Variants in CCDC157 observed in about 807,000 individuals in gnomAD.
CCDC157 encodes the protein coiled-coil domain-containing protein 157.
CCDC157 carries 60 observed loss-of-function variants against 70.9 expected under a neutral mutation model. That is an observed-to-expected ratio of 0.85 (90% CI 0.69 to 1.05). The LOEUF is 1.05. Ranked by LOEUF, CCDC157 falls within the 50% of genes least tolerant of loss-of-function variation. The pLI is 0.00. For synonymous variants in CCDC157, 373 were observed against 422.4 expected (o/e 0.88, Z 1.43); for missense variants, 943 against 984.2 (o/e 0.96, Z 0.56).
intron 3 of CCDC157, among the ~76,000 whole-genome samples, chr22:30,367,481 C>T (rs1932774608): frequency 6.6e-6 from 1 of 152,086 alleles, no homozygotes; most frequent in Non-Finnish European, 1.5e-5. Flanking sequence ...TCAGGTGATC[C>T]ATCTTCCTCG....
intron 1 of CCDC157, among the ~76,000 whole-genome samples, chr22:30,357,941 C>T (rs1255715986): frequency 1.3e-5 from 2 of 152,102 alleles, no homozygotes; most frequent in South Asian, 2.1e-4. Flanking sequence ...TGGGATTACA[C>T]GCATGAGCCA....
rs1197120078 is a variant in CCDC157 at position 30,378,559 on chromosome 22, C to T, written c.*1814C>T. 4 of 154,616 alleles carry T rather than the reference C, an allele frequency of 2.6e-5. No homozygotes were observed. The highest frequency in any genetic ancestry group is 4.0e-4 in the South Asian group (2 of 5,028). 9.6% of individuals were successfully genotyped at this position (154,616 alleles called of 1,614,324 possible). On this transcript the variant is annotated 3_prime_UTR_variant, in exon 12 of 12. Transcript: ENST00000338306. ...AGGAGAATTGCTTGAACCCGGGAGG[C>T]GGAGGTTGCAGTGAGGCGAGATCAC...
At position 30,371,668 on chromosome 22, in the gene CCDC157, CAA is replaced by C. The variant is rs1281009274; in HGVS notation, c.1066_1067del (p.Lys356AspfsTer30). 2 of 1,614,160 alleles carry C rather than the reference CAA, an allele frequency of 1.2e-6. No individual in the cohort carries two copies. The highest frequency in any genetic ancestry group is 8.5e-7 in the Non-Finnish European group (1 of 1,179,970). Reference sequence around the variant, plus strand: ...GCCATAGAAACAAGTGACCTAAAGACAAAGATGGCCACCCTGGAGAGAGAACT... The same window carrying C: ...GCCATAGAAACAAGTGACCTAAAGACAGATGGCCACCCTGGAGAGAGAACT... On this transcript the variant is annotated frameshift_variant, in exon 6 of 12. Coordinates refer to ENST00000338306, the MANE Select transcript of CCDC157 (RefSeq NM_001017437.5). LOFTEE classifies it high-confidence loss of function.
chr22:30,362,747 G>C (rs1176486194), intron 2 of CCDC157, among the ~76,000 whole-genome samples: 1 of 152,130 alleles, frequency 6.6e-6, no homozygotes, highest in East Asian at 1.9e-4. Flanking sequence ...TTCCCAGTGT[G>C]GTCTCGATGT....
intron 2 of CCDC157, among the ~76,000 whole-genome samples, chr22:30,362,927 A>G (rs59628638): frequency 0.017 from 2,638 of 152,254 alleles, 82 homozygotes; most frequent in African/African-American, 0.059. Context: ...CCAGCCCTGG[A>G]CTTGCTGGAG....
At chr22:30,361,365 T>C (rs1036635067) in intron 1 of CCDC157, among the ~76,000 whole-genome samples, 2 of 152,042 alleles carry the variant, frequency 1.3e-5, no homozygotes, top group South Asian at 2.1e-4. Context: ...TGACATTGCT[T>C]CCCATCTGGG....
At chr22:30,361,522 A>G (rs1336450572) in intron 1 of CCDC157, among the ~76,000 whole-genome samples, 1 of 152,070 alleles carries the variant, frequency 6.6e-6, no homozygotes, top group African/African-American at 2.4e-5. Flanking sequence ...TTGCATTTCT[A>G]AGGTGCCATA....
At chr22:30,375,403 C>A in intron 9 of CCDC157, 76 bp from the exon 10 acceptor site, 1 of 1,425,236 alleles carries the variant, frequency 7.0e-7, no homozygotes, top group Non-Finnish European at 9.9e-7. Flanking sequence ...GTGCACTACA[C>A]AGCTCCTTTG....
At chr22:30,373,520 G>T in intron 7 of CCDC157, 77 bp from the exon 8 acceptor site, 1 of 1,488,900 alleles carries the variant, frequency 6.7e-7, no homozygotes, top group Non-Finnish European at 9.1e-7. Flanking sequence ...AGTAGATGCT[G>T]TAGCCTCCTT....
chr22:30,369,660 G>T (rs1932849897), intron 4 of CCDC157, 57 bp downstream of exon 4: 2 of 1,350,662 alleles, frequency 1.5e-6, no homozygotes, highest in African/African-American at 3.0e-5. Context: ...TCCCCACTGT[G>T]GTGGCCTTCA....
At chr22:30,373,791 C>T (rs1447120050) in intron 8 of CCDC157, 27 bp downstream of exon 8, 84 of 1,538,206 alleles carry the variant, frequency 5.5e-5, no homozygotes, top group Non-Finnish European at 6.7e-5. Context: ...TCCTTTTTGC[C>T]AGAGAAGTCT....
Position 30,370,429 on chromosome 22 carries a change from C to T in CCDC157, c.524C>T (p.Ser175Phe). 2.5e-6 allele frequency: 4 copies of T among 1,614,150 alleles called. No individual in the cohort carries two copies. The highest frequency in any genetic ancestry group is 3.4e-6 in the Non-Finnish European group (4 of 1,180,036). Residue 175 changes from serine to phenylalanine, a missense_variant, in exon 5 of 12, where the codon TCC becomes TTC. Coordinates refer to ENST00000338306, the MANE Select transcript of CCDC157 (RefSeq NM_001017437.5). The stretch of plus-strand genomic sequence containing the variant: ...ACTACCAAGTTAATCAAGCCCTCCT[C>T]CCCAGTGCTAGGCTTGCCCCAGACC... ...YLTTKLIKPS[S>F]PVLGLPQTCQ...
In CCDC157 at chr22:30,371,636, CTT is replaced by C. The variant is rs755071959; in HGVS notation, c.1046-13_1046-12del. ...ATGGGACCCTCTGAAGGGCCTCTCT[CTT>C]GGCTGCCATAGAAACAAGTGACCTA... On this transcript the variant is annotated splice_polypyrimidine_tract_variant and intron_variant, in intron 5 of 11. Coordinates refer to ENST00000338306, the MANE Select transcript of CCDC157 (RefSeq NM_001017437.5). The C allele has an allele frequency of 3.1e-5, 50 of 1,612,182 alleles. No homozygotes were observed. The highest frequency in any genetic ancestry group is 1.0e-4 in the Admixed American group (6 of 60,002).
intron 7 of CCDC157, chr22:30,373,318 G>A: frequency 2.1e-6 from 1 of 471,104 alleles, no homozygotes; most frequent in Non-Finnish European, 3.8e-6. Flanking sequence ...CTGGAAGGAA[G>A]TGGGGGTGAG....
chr22:30,377,868 T>C lies in CCDC157; in HGVS notation c.*1123T>C. 2.9e-6 allele frequency: 1 copy of C among 345,280 alleles called. No individual in the cohort carries two copies. Among genetic ancestry groups the C allele is most frequent in the Non-Finnish European group, 5.8e-6 (1 of 173,700 alleles). The allele number at this position is 345,280 out of a possible 1,614,324, so 21.4% of individuals were successfully genotyped here. On this transcript the variant is annotated 3_prime_UTR_variant, in exon 12 of 12. Coordinates refer to ENST00000338306, the MANE Select transcript of CCDC157 (RefSeq NM_001017437.5). ...CACCAACTCCGTGCCATGTATTCAT[T>C]AGCTCCCAGTTCTGGCAGTCAGAAG...
chr22:30,370,187 C>T, intron 4 of CCDC157, 139 bp from the exon 5 acceptor site: 2 of 941,226 alleles, frequency 2.1e-6, no homozygotes, highest in Admixed American at 2.2e-5. Context: ...CTCTTATTCA[C>T]GTCGGTGTCA....
chr22:30,373,954 A>C lies in CCDC157; in HGVS notation c.1535A>C (p.Gln512Pro), dbSNP rs777822342. 6.2e-7 allele frequency: 1 copy of C among 1,612,530 alleles called. No individual in the cohort carries two copies. Among genetic ancestry groups the C allele is most frequent in the Admixed American group, 1.7e-5 (1 of 59,828 alleles). Residue 512 changes from glutamine to proline, a missense_variant, in exon 9 of 12, where the codon CAA (glutamine) becomes CCA (proline). Coordinates refer to ENST00000338306, the MANE Select transcript of CCDC157 (RefSeq NM_001017437.5). ...ELLQSLQREK[Q>P]GLEQATTDLR... ...CTGCAGAGCCTGCAGAGGGAGAAGC[A>C]AGGCCTGGAGCAGGCGACTACGGAC...
At chr22:30,359,742 G>T (rs1932198392) in intron 1 of CCDC157, among the ~76,000 whole-genome samples, 1 of 151,998 alleles carries the variant, frequency 6.6e-6, no homozygotes, top group South Asian at 2.1e-4. Flanking sequence ...TAATGTTTTG[G>T]GTATATTGGG....
At position 30,370,805 on chromosome 22, in the gene CCDC157, T is replaced by C. The variant is rs2145921988; in HGVS notation, c.900T>C (p.Ala300=). Residue 300 remains alanine, a synonymous_variant, in exon 5 of 12, where the codon GCT becomes GCC. Coordinates refer to ENST00000338306, the MANE Select transcript of CCDC157 (RefSeq NM_001017437.5). ...VEALRAQLEE[A]EGQKDGLRKQ... is the part of the protein sequence containing the mutation. ...CCCTCAGGGCCCAGCTGGAGGAGGCTGAAGGGCAGAAGGATGGCCTGAGGA... is the reference window on the plus strand; with the variant it reads ...CCCTCAGGGCCCAGCTGGAGGAGGCCGAAGGGCAGAAGGATGGCCTGAGGA... The C allele has an allele frequency of 1.2e-5, 19 of 1,613,218 alleles. No homozygotes were observed. Among genetic ancestry groups the C allele is most frequent in the Non-Finnish European group, 1.5e-5 (18 of 1,179,992 alleles).
Sources: gnomAD v4.1 joint callset for allele counts (sites outside exome capture counted in the v4.1 genomes callset) on GRCh38, gnomAD v4.1.1 for gene constraint, MANE v1.5 for transcripts, NCBI Gene and HGNC (gene_info 2026-07-23, HGNC 2026-07-21) for gene names.